SPG11: variants seen among roughly 807,000 people sequenced by gnomAD.
The protein encoded by SPG11 is spatacsin.
SPG11 carries 222 observed loss-of-function variants against 274.0 expected under a neutral mutation model. The observed-to-expected ratio is 0.81, with a 90% CI of 0.73 to 0.91. SPG11 has a LOEUF of 0.91. Ranked by LOEUF, SPG11 falls within the 40% of genes least tolerant of loss-of-function variation. The probability of loss-of-function intolerance (pLI) is 0.00; values close to 1 mark genes in which losing one functional copy is unlikely to be tolerated. For missense variants in SPG11, 3,114 were observed against 2,872.7 expected (o/e 1.08, Z -1.92); for synonymous variants, 1,144 against 1,039.7 (o/e 1.10, Z -1.93).
intron 28 of SPG11, among the ~76,000 whole-genome samples, chr15:44,586,842 A>T (rs1351042462): frequency 1.3e-5 from 2 of 152,198 alleles, no homozygotes; most frequent in African/African-American, 2.4e-5. Context: ...TCATTTGTTC[A>T]TTCAATGCAG....
At chr15:44,631,085 G>A (rs1164556145) in intron 8 of SPG11, among the ~76,000 whole-genome samples, 1 of 152,112 alleles carries the variant, frequency 6.6e-6, no homozygotes, top group Non-Finnish European at 1.5e-5. Flanking sequence ...AATATAAATT[G>A]TGCATACTCT....
chr15:44,621,572 T>G, intron 14 of SPG11, 187 bp downstream of exon 14: 1 of 619,894 alleles, frequency 1.6e-6, no homozygotes, highest in Admixed American at 2.8e-5. Flanking sequence ...TATTAGCACA[T>G]TATAAATCCC....
chr15:44,600,640 GA>G lies in SPG11; in HGVS notation c.3521-9del. 6.2e-7 allele frequency: 1 copy of G among 1,613,054 alleles called. No individual in the cohort carries two copies. Among genetic ancestry groups the G allele is most frequent in the Non-Finnish European group, 8.5e-7 (1 of 1,179,226 alleles). ...GGAGATGACTCCATGCATCTAGGGG[GA>G]AAGTAAAACAATATTAATTATCTGT... On this transcript the variant is annotated splice_polypyrimidine_tract_variant and intron_variant, in intron 20 of 39. Transcript: ENST00000261866.
At chr15:44,604,637 A>T (rs1291604157) in intron 20 of SPG11, among the ~76,000 whole-genome samples, 1 of 152,140 alleles carries the variant, frequency 6.6e-6, no homozygotes, top group East Asian at 1.9e-4. Flanking sequence ...CAATTTTATA[A>T]ATATGTATTG....
intron 33 of SPG11, chr15:44,572,393 C>T: frequency 2.5e-6 from 1 of 396,292 alleles, no homozygotes; most frequent in Non-Finnish European, 4.8e-6. Context: ...TAAAGTTTGT[C>T]TCCCTTCTAG....
chr15:44,585,602 T>TTAAAA, intron 29 of SPG11, 34 bp downstream of exon 29: 2 of 1,193,774 alleles, frequency 1.7e-6, no homozygotes, highest in Non-Finnish European at 1.1e-6. Flanking sequence ...ACCCCGTATC[T>TTAAAA]AAAAAAAAAA....
rs137887041 is a variant in SPG11, at chr15:44,567,507, C to G, written c.6671G>C (p.Cys2224Ser). ...DSEKHNMIAL[C>S]FSMCREIGEN... ...GCCAATCTCCCGGCACATGCTGAAG[C>G]ACAGGGCAATCATATTGTGCTTTTC... is the stretch of plus-strand genomic sequence containing the variant. Residue 2224 changes from cysteine (C) to serine (S), a missense_variant, in exon 36 of 40, where the codon TGC becomes TCC. Physicochemically the swap from Cys to Ser is moderately radical, Grantham distance 112 (BLOSUM62 -1). Transcript: ENST00000261866. The G allele has an allele frequency of 5.0e-6, 8 of 1,613,966 alleles. No homozygotes were observed. The African/African-American group carries it at 1.1e-4, about 22-fold the overall frequency.
At position 44,584,233 on chromosome 15, in the gene SPG11, T is replaced by C; in HGVS notation, c.5447A>G (p.Glu1816Gly). ...TCGAGAAAATCTGGGCTCTGTTTCC[T>C]CCTGATTTCTTCCAAGAGTGTGCTG... ...ITQHTLGRNQEETEPRFSRQI... is the reference protein window; with the variant it reads ...ITQHTLGRNQGETEPRFSRQI... The change falls in exon 30 of 40, where the codon GAG (glutamate) becomes GGG (glycine). Residue 1816 changes from glutamate to glycine, a missense_variant. Transcript: ENST00000261866. 1 of 1,614,222 alleles carries C rather than the reference T, an allele frequency of 6.2e-7. No homozygotes were observed. Among genetic ancestry groups the C allele is most frequent in the South Asian group, 1.1e-5 (1 of 91,090 alleles).
intron 26 of SPG11, among the ~76,000 whole-genome samples, chr15:44,592,713 C>T (rs1331440835): frequency 6.6e-6 from 1 of 151,826 alleles, no homozygotes; most frequent in East Asian, 1.9e-4. Context: ...ACAGCTACTC[C>T]AGAGGCTGAG....
chr15:44,587,772 A>T (rs118118732), intron 28 of SPG11, among the ~76,000 whole-genome samples: 1 of 151,748 alleles, frequency 6.6e-6, no homozygotes, highest in Non-Finnish European at 1.5e-5. Context: ...ACATAGTAAC[A>T]CAATTTCTAA....
chr15:44,644,304 G>C (rs1289247380), intron 7 of SPG11, among the ~76,000 whole-genome samples: 1 of 152,102 alleles, frequency 6.6e-6, no homozygotes, highest in Non-Finnish European at 1.5e-5. Flanking sequence ...CAATAAATGT[G>C]ATTCATCATA....
Position 44,598,789 on chromosome 15 carries a change from A to G in SPG11, c.3734T>C (p.Phe1245Ser). The G allele has an allele frequency of 6.2e-7, 1 of 1,614,214 alleles. No homozygotes were observed. Among genetic ancestry groups the G allele is most frequent in the Non-Finnish European group, 8.5e-7 (1 of 1,180,028 alleles). ...NEAYVIGLSS[F>S]HIPSIGAACV... is the part of the protein sequence containing the mutation. ...TGCAGCTCCTATTGAAGGTATGTGG[A>G]AGGAGGAGAGCCCTATAACATAGGC... The change falls in exon 22 of 40, where the codon TTC becomes TCC. Residue 1245 changes from phenylalanine (F) to serine (S), a missense_variant. Transcript: ENST00000261866.
rs1483558811 is a variant in SPG11, at chr15:44,657,225, T to C, written c.739A>G (p.Asn247Asp). The C allele has an allele frequency of 6.2e-6, 10 of 1,614,210 alleles. No individual in the cohort carries two copies. Among genetic ancestry groups the C allele is most frequent in the Non-Finnish European group, 8.5e-6 (10 of 1,180,038 alleles). The change falls in exon 4 of 40, where the codon AAT becomes GAT. Residue 247 changes from asparagine to aspartate, a missense_variant. Transcript: ENST00000261866. ...DLALHKEDMC[N>D]EQQQEPAKIS... ...TTGGCTGGCTCCTGTTGCTGCTCAT[T>C]ACACATGTCTTCTTTGTGAAGTGCT... is the stretch of plus-strand genomic sequence containing the variant.
chr15:44,600,568 T>C lies in SPG11; in HGVS notation c.3585A>G (p.Glu1195=). Residue 1195 remains glutamate, a synonymous_variant, in exon 21 of 40, where the codon GAA becomes GAG. Transcript: ENST00000261866. ...PDLVNKYAIV[E]RLNFAYYLHN... is the part of the protein sequence containing the mutation. ...GTAAATAATAAGCAAAATTCAGACGTTCCACTATAGCATATTTATTAACCA... is the reference window on the plus strand; with the variant it reads ...GTAAATAATAAGCAAAATTCAGACGCTCCACTATAGCATATTTATTAACCA... 6.2e-7 allele frequency: 1 copy of C among 1,614,186 alleles called. No homozygotes were observed. The highest frequency in any genetic ancestry group is 8.5e-7 in the Non-Finnish European group (1 of 1,180,020).
At chr15:44,570,749 G>C (rs560784979) in intron 33 of SPG11, 91 bp from the exon 34 acceptor site, 1 of 1,531,256 alleles carries the variant, frequency 6.5e-7, no homozygotes, top group African/African-American at 1.4e-5. Flanking sequence ...GGGCCTGGTG[G>C]AGAAGGGGCC....
At position 44,606,033 on chromosome 15, in the gene SPG11, G is replaced by A. The variant is rs2083309219; in HGVS notation, c.3512C>T (p.Ala1171Val). ...LFGWQSANTL[A>V]IGDAWSHLPH... ...TACCCATGATGACTTACCTCCTATA[G>A]CTAGTGTGTTAGCAGACTGCCAGCC... The change falls in exon 20 of 40, where the codon GCT becomes GTT. Residue 1171 changes from alanine (A) to valine (V), a missense_variant. By Grantham distance (64) the Ala-to-Val change is moderately conservative. Coordinates refer to ENST00000261866, the MANE Select transcript of SPG11 (RefSeq NM_025137.4). 6.2e-7 allele frequency: 1 copy of A among 1,613,438 alleles called. No individual in the cohort carries two copies. Among genetic ancestry groups the A allele is most frequent in the African/African-American group, 1.3e-5 (1 of 74,896 alleles).
At position 44,622,287 on chromosome 15, in the gene SPG11, C is replaced by A. The variant is rs546601155; in HGVS notation, c.2377G>T (p.Val793Leu). ...AAATAAAGCTTCTCAACTTGATGCA[C>A]GAAGTCTATAGTTCTTTTCTCTTTT... ...SEKEKRTIDFVHQVEKLYLGH... is the reference protein window; with the variant it reads ...SEKEKRTIDFLHQVEKLYLGH... The change falls in exon 13 of 40, where the codon GTG (valine) becomes TTG (leucine). Residue 793 changes from valine (V) to leucine (L), a missense_variant. Transcript: ENST00000261866. 38 of 1,594,994 alleles carry A rather than the reference C, an allele frequency of 2.4e-5. No homozygotes were observed. The highest frequency in any genetic ancestry group is 3.2e-5 in the Non-Finnish European group (37 of 1,163,396).
At chr15:44,563,933 G>A (rs1356021405) in intron 39 of SPG11, among the ~76,000 whole-genome samples, 1 of 152,178 alleles carries the variant, frequency 6.6e-6, no homozygotes, top group Non-Finnish European at 1.5e-5. Flanking sequence ...AAATGAGTAT[G>A]TTAATGCTTA....
intron 1 of SPG11, among the ~76,000 whole-genome samples, chr15:44,661,659 A>C (rs925034671): frequency 6.6e-6 from 1 of 152,164 alleles, no homozygotes; most frequent in African/African-American, 2.4e-5. Context: ...TGATAAATGT[A>C]GAAAATAACC....
Sources: allele counts gnomAD v4.1 joint callset (sites outside exome capture counted in the v4.1 genomes callset), GRCh38; gene constraint gnomAD v4.1.1; transcripts MANE v1.5; gene names NCBI Gene and HGNC (gene_info 2026-07-23, HGNC 2026-07-21).